ROR2: variants seen among roughly 807,000 people sequenced by gnomAD.
The protein encoded by ROR2 is tyrosine-protein kinase transmembrane receptor ROR2.
ROR2 carries 33 observed loss-of-function variants against 74.9 expected under a neutral mutation model. The ratio of observed to expected loss-of-function variants is 0.44; its 90% CI spans 0.33 to 0.59. The LOEUF (loss-of-function observed/expected upper bound fraction) is 0.59, where lower values mean the gene tolerates loss of function less well. ROR2 is among the 20% of genes least tolerant of loss of function. The pLI, the probability that ROR2 is intolerant of heterozygous loss-of-function variation, is 0.02. For missense variants in ROR2, 1,216 were observed against 1,313.8 expected (o/e 0.93, Z 1.15); for synonymous variants, 586 against 558.7 (o/e 1.05, Z -0.69).
Position 91,724,068 on chromosome 9 carries a change from C to T in ROR2, c.2426G>A (p.Arg809Lys). Residue 809 changes from arginine to lysine, a missense_variant, in exon 9 of 9, where the codon AGA (arginine) becomes AAA (lysine). Arg to Lys is a conservative substitution (Grantham distance 26). Transcript: ENST00000375708. ...GAGCTGCGGCGGGGGCACCATGGGT[C>T]TGATCTGGCCCTTCATGGGGATGAA... is the stretch of plus-strand genomic sequence containing the variant. ...PQFIPMKGQI[R>K]PMVPPPQLYV... 6.2e-7 allele frequency: 1 copy of T among 1,610,786 alleles called. No homozygotes were observed.
chr9:91,804,737 G>T (rs182072645), intron 1 of ROR2, among the ~76,000 whole-genome samples: 3 of 152,060 alleles, frequency 2.0e-5, no homozygotes, highest in Non-Finnish European at 2.9e-5. Flanking sequence ...GATTCAGAGT[G>T]GGGGGGTGGT....
chr9:91,733,420 G>T lies in ROR2; in HGVS notation c.639C>A (p.Ile213=). 6.2e-7 allele frequency: 1 copy of T among 1,611,092 alleles called. No individual in the cohort carries two copies. The highest frequency in any genetic ancestry group is 8.5e-7 in the Non-Finnish European group (1 of 1,179,656). The change falls in exon 6 of 9, where the codon ATC becomes ATA. Residue 213 remains isoleucine (I), a synonymous_variant. Coordinates refer to ENST00000375708, the MANE Select transcript of ROR2 (RefSeq NM_004560.4). The surrounding 1 kb of genome is among the most constrained non-coding windows in gnomAD (Gnocchi z 5.7). The part of the protein sequence containing the change: ...ENRITAAFTM[I]GTSTHLSDQC... ...GGTCCGACAGGTGCGTAGACGTGCC[G>T]ATCATGGTGAAGGCCGCTGCAGAGC...
At chr9:91,736,045 C>A (rs1304163765) in intron 5 of ROR2, among the ~76,000 whole-genome samples, 2 of 152,186 alleles carry the variant, frequency 1.3e-5, no homozygotes, top group Non-Finnish European at 2.9e-5. Flanking sequence ...TAAGTCATGG[C>A]GTAAAGTATA....
chr9:91,836,404 G>A (rs74786201), intron 1 of ROR2, among the ~76,000 whole-genome samples: 5,632 of 152,198 alleles, frequency 0.037, 155 homozygotes, highest in East Asian at 0.095. Context: ...GCCAGTCGTA[G>A]TGGTGCGTGC....
intron 1 of ROR2, among the ~76,000 whole-genome samples, chr9:91,859,985 C>A (rs974676517): frequency 6.6e-6 from 1 of 152,186 alleles, no homozygotes; most frequent in Non-Finnish European, 1.5e-5. Flanking sequence ...CGGGCCTGGA[C>A]GCTGCTCCGG....
intron 1 of ROR2, among the ~76,000 whole-genome samples, chr9:91,946,427 T>G (rs1456204281): frequency 6.6e-6 from 1 of 152,032 alleles, no homozygotes; most frequent in Non-Finnish European, 1.5e-5. Flanking sequence ...CTTCACCACG[T>G]GGAAACCACA....
intron 1 of ROR2, among the ~76,000 whole-genome samples, chr9:91,855,900 C>A (rs1030777647): frequency 6.6e-6 from 1 of 152,024 alleles, no homozygotes; most frequent in African/African-American, 2.4e-5. Context: ...GGCCGCACCA[C>A]CAGAATGATC....
intron 1 of ROR2, among the ~76,000 whole-genome samples, chr9:91,906,570 T>G (rs981485221): frequency 2.6e-5 from 4 of 152,168 alleles, no homozygotes; most frequent in African/African-American, 9.7e-5. Flanking sequence ...CACCATTCAT[T>G]TCCCCTTCAT....
intron 1 of ROR2, among the ~76,000 whole-genome samples, chr9:91,904,070 T>C (rs1587835397): frequency 6.6e-6 from 1 of 151,208 alleles, no homozygotes; most frequent in Admixed American, 6.6e-5. Context: ...GGACAGAGTC[T>C]CGCTCTGCCG....
chr9:91,890,507 T>C (rs1217133486), intron 1 of ROR2, among the ~76,000 whole-genome samples: 2 of 152,242 alleles, frequency 1.3e-5, no homozygotes, highest in Non-Finnish European at 1.5e-5. Context: ...GTACTCCTTA[T>C]TAAACTTATT....
At chr9:91,917,039 G>A (rs7043973) in intron 1 of ROR2, among the ~76,000 whole-genome samples, 1,958 of 152,136 alleles carry the variant, frequency 0.013, 47 homozygotes, top group African/African-American at 0.044. Flanking sequence ...GTTTATTCAC[G>A]TGTTGCTTAT....
At chr9:91,742,484 A>G (rs1413044291) in intron 4 of ROR2, among the ~76,000 whole-genome samples, 1 of 152,248 alleles carries the variant, frequency 6.6e-6, no homozygotes, top group South Asian at 2.1e-4. Flanking sequence ...GATGGAAACT[A>G]TAAAAGAACT....
At chr9:91,848,766 A>G (rs1373732370) in intron 1 of ROR2, among the ~76,000 whole-genome samples, 2 of 50,976 alleles carry the variant, frequency 3.9e-5, no homozygotes, top group East Asian at 7.1e-4. Flanking sequence ...GGGGGGAAGA[A>G]AAAAAAAAAA....
At chr9:91,784,526 T>C (rs953289165) in intron 1 of ROR2, among the ~76,000 whole-genome samples, 1 of 152,228 alleles carries the variant, frequency 6.6e-6, no homozygotes, top group Admixed American at 6.5e-5. Flanking sequence ...TCCGTGGTGA[T>C]GGCAGTCAGA....
At chr9:91,861,378 T>C (rs1207423636) in intron 1 of ROR2, among the ~76,000 whole-genome samples, 2 of 152,192 alleles carry the variant, frequency 1.3e-5, no homozygotes, top group East Asian at 3.8e-4. Context: ...TCTCAGTAAC[T>C]GAAGTAGTAT....
rs574961877 is a variant in ROR2, at chr9:91,723,439, C to T, written c.*223G>A. 24 of 629,758 alleles carry T rather than the reference C, an allele frequency of 3.8e-5. No homozygotes were observed. The highest frequency in any genetic ancestry group is 2.6e-4 in the South Asian group (13 of 50,082). The allele number at this position is 629,758 out of a possible 1,614,324, so 39.0% of individuals were successfully genotyped here. ...CCATGTGTCCTGCTCCCCAGGACGCCGTGCTGCCAGACCCCCTGCCTGGCT... is the reference window on the plus strand; with the variant it reads ...CCATGTGTCCTGCTCCCCAGGACGCTGTGCTGCCAGACCCCCTGCCTGGCT... On this transcript the variant is annotated 3_prime_UTR_variant, in exon 9 of 9. Coordinates refer to ENST00000375708, the MANE Select transcript of ROR2 (RefSeq NM_004560.4).
intron 1 of ROR2, among the ~76,000 whole-genome samples, chr9:91,838,592 C>T (rs1458429138): frequency 6.6e-6 from 1 of 152,170 alleles, no homozygotes; most frequent in East Asian, 1.9e-4. Flanking sequence ...TCTGATGTTA[C>T]CACTGGGGAA....
At chr9:91,875,812 T>C (rs555835393) in intron 1 of ROR2, among the ~76,000 whole-genome samples, 1 of 152,068 alleles carries the variant, frequency 6.6e-6, no homozygotes, top group South Asian at 2.1e-4. Flanking sequence ...GGAGTGCCAC[T>C]AAAAGATAAA....
intron 1 of ROR2, among the ~76,000 whole-genome samples, chr9:91,909,676 G>A (rs1393471549): frequency 1.3e-5 from 2 of 151,384 alleles, no homozygotes; most frequent in Non-Finnish European, 2.9e-5. Flanking sequence ...TTAACTGTAT[G>A]AAGGATCTGG....
Sources: allele counts gnomAD v4.1 joint callset (sites outside exome capture counted in the v4.1 genomes callset), GRCh38; gene constraint gnomAD v4.1.1; non-coding constraint Gnocchi (gnomAD v3.1); transcripts MANE v1.5; gene names NCBI Gene and HGNC (gene_info 2026-07-23, HGNC 2026-07-21).